DCLK1: variants seen among roughly 807,000 people sequenced by gnomAD.
DCLK1 encodes the protein serine/threonine-protein kinase DCLK1.
A neutral mutation model predicts 86.2 loss-of-function variants in DCLK1; 16 were observed. That is an observed-to-expected ratio of 0.19 (90% CI 0.13 to 0.28). The LOEUF is 0.28. Among genes scored for constraint, DCLK1 ranks in the 10% least tolerant of loss-of-function variants. The pLI is 1.00. For synonymous variants in DCLK1, 369 were observed against 370.5 expected, an observed-to-expected ratio of 1.00 and a Z score of 0.05; for missense variants, 590 against 940.2, an observed-to-expected ratio of 0.63 and a Z score of 4.87.
In DCLK1 at chr13:35,873,293, A is replaced by G. The variant is rs554289232; in HGVS notation, c.824-1953T>C. On this transcript the variant is annotated intron_variant, in intron 4 of 16. Coordinates refer to ENST00000360631, the MANE Select transcript of DCLK1 (RefSeq NM_001330071.2). Reference sequence around the variant, plus strand: ...AATAAAAATAAAAAAATTAAAATTAAAAAATTTGCTGAACAAAGTGGATTT... The same window carrying G: ...AATAAAAATAAAAAAATTAAAATTAGAAAATTTGCTGAACAAAGTGGATTT... Among the ~76,000 whole-genome samples the G allele has an allele frequency of 1.2e-4, 19 of 152,214 alleles. 1 individual carries two copies. Among genetic ancestry groups the G allele is most frequent in the African/African-American group, 4.1e-4 (17 of 41,564 alleles).
chr13:35,893,172 T>G (rs556510755), intron 4 of DCLK1, among the ~76,000 whole-genome samples: 1 of 152,324 alleles, frequency 6.6e-6, no homozygotes, highest in Admixed American at 6.5e-5. Flanking sequence ...CCTTTAAGGT[T>G]CTGAACTACT....
At position 35,772,645 on chromosome 13, in the gene DCLK1, T is replaced by A. The variant is rs889154368; in HGVS notation, c.*1890A>T. The stretch of plus-strand genomic sequence containing the variant: ...TTATGCTACTTTGTGATTTTGCGTG[T>A]TATCACTTCCGGATGCTCTAAAAGG... On this transcript the variant is annotated 3_prime_UTR_variant, in exon 17 of 17. Coordinates refer to ENST00000360631, the MANE Select transcript of DCLK1 (RefSeq NM_001330071.2). 6.7e-6 allele frequency: 1 copy of A among 150,246 alleles called. No homozygotes were observed. The highest frequency in any genetic ancestry group is 2.5e-5 in the African/African-American group (1 of 40,548). 9.3% of individuals were successfully genotyped at this position (150,246 alleles called of 1,614,324 possible). A position where few individuals can be genotyped will look rare whatever the true frequency, so the allele number is the denominator to read the frequency against.
chr13:35,943,395 A>G (rs1266281068), intron 4 of DCLK1, among the ~76,000 whole-genome samples: 2 of 152,160 alleles, frequency 1.3e-5, no homozygotes, highest in Admixed American at 1.3e-4. Context: ...GTTTTAAGTC[A>G]CCCAGTTTGT....
intron 4 of DCLK1, among the ~76,000 whole-genome samples, chr13:35,936,043 G>C (rs1262499579): frequency 2.0e-5 from 3 of 152,050 alleles, no homozygotes; most frequent in Non-Finnish European, 4.4e-5. Flanking sequence ...ATTATTAAGG[G>C]ATATATGACA....
rs1396054234 is a variant in DCLK1, at chr13:35,773,732, T to A, written c.*803A>T. 1.3e-5 allele frequency: 2 copies of A among 152,406 alleles called. No homozygotes were observed. The allele number at this position is 152,406 out of a possible 1,614,324, so 9.4% of individuals were successfully genotyped here. On this transcript the variant is annotated 3_prime_UTR_variant, in exon 17 of 17. Coordinates refer to ENST00000360631, the MANE Select transcript of DCLK1 (RefSeq NM_001330071.2). ...TGACACTGAGTAGAGAGACCCTCAC[T>A]CACCAAGCACAAGACAAGCTGTGGT...
intron 4 of DCLK1, among the ~76,000 whole-genome samples, chr13:35,890,665 C>G (rs1873587135): frequency 6.6e-6 from 1 of 152,158 alleles, no homozygotes; most frequent in South Asian, 2.1e-4. Flanking sequence ...CTGTCTGGCA[C>G]TATTCTTTCT....
intron 4 of DCLK1, among the ~76,000 whole-genome samples, chr13:35,883,836 A>T (rs1247371880): frequency 6.6e-6 from 1 of 152,186 alleles, no homozygotes; most frequent in Non-Finnish European, 1.5e-5. Context: ...ATCCCAGCTC[A>T]TATGCTCCTT....
intron 3 of DCLK1, among the ~76,000 whole-genome samples, chr13:35,977,592 A>C (rs577435422): frequency 2.7e-5 from 4 of 150,018 alleles, no homozygotes; most frequent in African/African-American, 9.8e-5. Context: ...CTAATGGGCT[A>C]TTTTTTTTTT....
At chr13:35,959,878 TG>T (rs1878361369) in intron 3 of DCLK1, among the ~76,000 whole-genome samples, 1 of 151,654 alleles carries the variant, frequency 6.6e-6, no homozygotes, top group South Asian at 2.1e-4. Context: ...TGTGTGTGTG[TG>T]TGTGTGTGTG....
Position 35,769,559 on chromosome 13 carries a change from T to C in DCLK1, c.*4976A>G, listed in dbSNP as rs148854037. The stretch of plus-strand genomic sequence containing the variant: ...AGAATACACCAAAGATTAATGTCAA[T>C]GGCAAGTGAGAAATTGTCCCTAGAG... On this transcript the variant is annotated 3_prime_UTR_variant, in exon 17 of 17. Transcript: ENST00000360631. 1.1e-3 allele frequency: 160 copies of C among 152,310 alleles called. 2 individuals carry two copies. The highest frequency in any genetic ancestry group is 3.7e-3 in the African/African-American group (154 of 41,578). 9.4% of individuals were successfully genotyped at this position (152,310 alleles called of 1,614,324 possible). A position where few individuals can be genotyped will look rare whatever the true frequency, so the allele number is the denominator to read the frequency against.
At chr13:36,116,464 T>C (rs1317339498) in intron 2 of DCLK1, among the ~76,000 whole-genome samples, 1 of 152,198 alleles carries the variant, frequency 6.6e-6, no homozygotes, top group Admixed American at 6.5e-5. Flanking sequence ...GGGCCTGCAG[T>C]GTGTCAGCTA....
At chr13:36,093,798 T>A (rs1593884062) in intron 3 of DCLK1, among the ~76,000 whole-genome samples, 2 of 152,288 alleles carry the variant, frequency 1.3e-5, no homozygotes. Context: ...AGAAATACAT[T>A]AATAGAGCTT....
At chr13:35,800,767 G>C (rs1044606624) in intron 15 of DCLK1, among the ~76,000 whole-genome samples, 3 of 151,858 alleles carry the variant, frequency 2.0e-5, no homozygotes, top group Non-Finnish European at 4.4e-5. Context: ...ACCCAGGCTG[G>C]AGTGCAGTGG....
chr13:36,045,332 G>GTATATATATATA (rs1174545505), intron 3 of DCLK1, among the ~76,000 whole-genome samples: 8 of 55,766 alleles, frequency 1.4e-4, no homozygotes, highest in Admixed American at 2.3e-4. Flanking sequence ...GTGTGTGTGT[G>GTATATATATATA]TATATATATA....
At chr13:36,097,809 C>A (rs1885068608) in intron 3 of DCLK1, among the ~76,000 whole-genome samples, 1 of 151,438 alleles carries the variant, frequency 6.6e-6, no homozygotes. Context: ...CTCCAGCAGG[C>A]ACACCAATAA....
intron 4 of DCLK1, among the ~76,000 whole-genome samples, chr13:35,887,577 G>A (rs1386288640): frequency 2.0e-5 from 3 of 152,008 alleles, no homozygotes; most frequent in East Asian, 1.9e-4. Flanking sequence ...ATGAAGAAAC[G>A]GGAATTTGGG....
Position 35,770,804 on chromosome 13 carries a change from G to A in DCLK1, c.*3731C>T, listed in dbSNP as rs968153680. The A allele has an allele frequency of 6.6e-6, 1 of 152,186 alleles. No homozygotes were observed. The highest frequency in any genetic ancestry group is 1.5e-5 in the Non-Finnish European group (1 of 68,032). The allele number at this position is 152,186 out of a possible 1,614,324, so 9.4% of individuals were successfully genotyped here. A position where few individuals can be genotyped will look rare whatever the true frequency, so the allele number is the denominator to read the frequency against. On this transcript the variant is annotated 3_prime_UTR_variant, in exon 17 of 17. Coordinates refer to ENST00000360631, the MANE Select transcript of DCLK1 (RefSeq NM_001330071.2). ...AAAATTCTGAAATCACTATTAAGGA[G>A]GGACCATACCAGATTTTTTTGTTGT...
rs147962548 is a variant in DCLK1, at chr13:35,854,509, C to A, written c.1025G>T (p.Arg342Leu). 5.6e-6 allele frequency: 9 copies of A among 1,600,300 alleles called. No individual in the cohort carries two copies. Among genetic ancestry groups the A allele is most frequent in the Non-Finnish European group, 7.7e-6 (9 of 1,172,534 alleles). Residue 342 changes from arginine (R) to leucine (L), a missense_variant, in exon 6 of 17, where the codon CGG becomes CTG. Around this residue, in one of 6 missense-constraint regions of DCLK1, gnomAD observed 63 missense variants for 64.3 expected, o/e 0.98. Coordinates refer to ENST00000360631, the MANE Select transcript of DCLK1 (RefSeq NM_001330071.2). ...TGCTTATTTCCTTACCCTCTGCTTC[C>A]GCAGGCTTCCTGGGCTGGTGGGTGA... is the stretch of plus-strand genomic sequence containing the variant. ...SPSPTSPGSL[R>L]KQRSSQHGGS...
intron 3 of DCLK1, 72 bp from the exon 4 acceptor site, chr13:35,947,529 G>A: frequency 1.6e-6 from 2 of 1,273,058 alleles, no homozygotes; most frequent in East Asian, 2.4e-5. Context: ...CCCACGAGCA[G>A]ACATCTGCAT....
Sources: allele counts gnomAD v4.1 joint callset (sites outside exome capture counted in the v4.1 genomes callset), GRCh38; gene constraint gnomAD v4.1.1; regional missense constraint gnomAD v4.1.1; transcripts MANE v1.5; gene names NCBI Gene and HGNC (gene_info 2026-07-23, HGNC 2026-07-21).